PZP: variants seen among roughly 807,000 people sequenced by gnomAD.
PZP encodes pregnancy zone protein.
A neutral mutation model predicts 179.8 loss-of-function variants in PZP; 150 were observed. The observed-to-expected ratio is 0.83, with a 90% CI of 0.73 to 0.96. The LOEUF (loss-of-function observed/expected upper bound fraction) is 0.96, where lower values mean the gene tolerates loss of function less well. Ranked by LOEUF, PZP falls within the 40% of genes least tolerant of loss-of-function variation. The pLI is 0.00. For synonymous variants in PZP, 624 were observed against 652.3 expected, an observed-to-expected ratio of 0.96 and a Z score of 0.66; for missense variants, 1,689 against 1,764.0, an observed-to-expected ratio of 0.96 and a Z score of 0.76.
At chr12:9,191,047 A>T (rs961553578) in intron 13 of PZP, among the ~76,000 whole-genome samples, 27 of 152,146 alleles carry the variant, frequency 1.8e-4, no homozygotes, top group African/African-American at 6.0e-4. Context: ...ATATAGAGAA[A>T]TTTTTTCCAA....
rs373481261 is a variant in PZP at position 9,201,343 on chromosome 12, G to A, written c.485C>T (p.Pro162Leu). ...GATACTTACCTCAAGGTATATCAGT[G>A]GAATCTATATGATAAAAGGAAAGAA... ...ENFRPRNELI[P>L]LIYLENPRRN... The change falls in exon 5 of 36, where the codon CCA becomes CTA. Residue 162 changes from proline (P) to leucine (L), a missense_variant. Transcript: ENST00000261336. 1.9e-6 allele frequency: 3 copies of A among 1,557,638 alleles called. No individual in the cohort carries two copies. The highest frequency in any genetic ancestry group is 2.6e-6 in the Non-Finnish European group (3 of 1,133,520).
At position 9,158,457 on chromosome 12, in the gene PZP, A is replaced by G; in HGVS notation, c.3257T>C (p.Phe1086Ser). 1 of 1,614,154 alleles carries G rather than the reference A, an allele frequency of 6.2e-7. No homozygotes were observed. The highest frequency in any genetic ancestry group is 8.5e-7 in the Non-Finnish European group (1 of 1,180,026). The part of the protein sequence containing the change: ...LSQMQKDNGC[F>S]RSSGSLLNNA... ...GTTGAGCAGTGACCCAGAGCTCCTG[A>G]AACAGCCATTGTCCTTCTGCATCTG... The change falls in exon 26 of 36, where the codon TTC becomes TCC. Residue 1086 changes from phenylalanine (F) to serine (S), a missense_variant. This residue lies in a region of PZP where 746 missense variants were observed against 749.2 expected (regional missense o/e 1.00). Coordinates refer to ENST00000261336, the MANE Select transcript of PZP (RefSeq NM_002864.3).
intron 13 of PZP, among the ~76,000 whole-genome samples, chr12:9,183,164 A>G (rs976870748): frequency 2.0e-5 from 3 of 152,202 alleles, no homozygotes; most frequent in Non-Finnish European, 4.4e-5. Context: ...GGAATATTTT[A>G]CAAAGTATAA....
At chr12:9,183,430 T>C (rs1479019246) in intron 13 of PZP, among the ~76,000 whole-genome samples, 3 of 152,178 alleles carry the variant, frequency 2.0e-5, no homozygotes, top group Non-Finnish European at 4.4e-5. Flanking sequence ...GACAGGGTCT[T>C]GCTCTGTTGC....
At chr12:9,150,603 C>A (rs757194040) in intron 34 of PZP, 41 bp downstream of exon 34, 2 of 1,332,734 alleles carry the variant, frequency 1.5e-6, no homozygotes, top group Middle Eastern at 1.8e-4. Context: ...GGATCCATTT[C>A]TTGGCTCTGG....
In PZP at chr12:9,154,760, A is replaced by G. The variant is rs748422118; in HGVS notation, c.3630T>C (p.Ala1210=). The G allele has an allele frequency of 1.2e-6, 2 of 1,614,128 alleles. No individual in the cohort carries two copies. Among genetic ancestry groups the G allele is most frequent in the Admixed American group, 3.3e-5 (2 of 60,010 alleles). ...GHLYQTQAPS[A]EVEMTSYVLL... is the part of the protein sequence containing the mutation. ...GCACATAGGATGTCATCTCCACCTC[A>G]GCAGAGGGAGCCTGGGTTTGGTAAA... The change falls in exon 29 of 36, where the codon GCT becomes GCC. Residue 1210 remains alanine, a synonymous_variant. Transcript: ENST00000261336.
chr12:9,164,164 G>A lies in PZP; in HGVS notation c.2583C>T (p.Thr861=). 1 of 1,611,118 alleles carries A rather than the reference G, an allele frequency of 6.2e-7. No homozygotes were observed. Among genetic ancestry groups the A allele is most frequent in the Non-Finnish European group, 8.5e-7 (1 of 1,177,316 alleles). Residue 861 remains threonine, a synonymous_variant, in exon 20 of 36, where the codon ACC becomes ACT. Coordinates refer to ENST00000261336, the MANE Select transcript of PZP (RefSeq NM_002864.3). ...SYCICGNERQ[T]LSWTVTPKTL... is the part of the protein sequence containing the mutation. The stretch of plus-strand genomic sequence containing the variant: ...TTTTAGGAGTCACTGTCCAAGACAA[G>A]GTTTGTCTCTCATTTCCACAGATAC...
At chr12:9,194,599 G>A (rs1486131764) in intron 10 of PZP, among the ~76,000 whole-genome samples, 1 of 151,850 alleles carries the variant, frequency 6.6e-6, no homozygotes, top group African/African-American at 2.4e-5. Flanking sequence ...CGAGTAGCTG[G>A]GACTACAGGC....
chr12:9,162,556 G>A, intron 22 of PZP, 41 bp downstream of exon 22: 1 of 1,409,464 alleles, frequency 7.1e-7, no homozygotes, highest in Non-Finnish European at 9.9e-7. Flanking sequence ...ATACCCCTTT[G>A]TGGTTTTGAT....
rs774365506 is a variant in PZP, at chr12:9,201,358, A to C, written c.481-11T>G. The C allele has an allele frequency of 1.3e-6, 2 of 1,554,910 alleles. No individual in the cohort carries two copies. Among genetic ancestry groups the C allele is most frequent in the Non-Finnish European group, 1.8e-6 (2 of 1,132,312 alleles). ...GTATATCAGTGGAATCTATATGATA[A>C]AAGGAAAGAAGAGATGTGATTAGAA... On this transcript the variant is annotated splice_polypyrimidine_tract_variant and intron_variant, in intron 4 of 35. Coordinates refer to ENST00000261336, the MANE Select transcript of PZP (RefSeq NM_002864.3).
In PZP at chr12:9,202,390, G is replaced by C; in HGVS notation, c.428-19C>G. Reference sequence around the variant, plus strand: ...AATCTTACTGGAAAAGTAGTTCTCCGATAAGATTCAGACATGATAAAGCAG... The same window carrying C: ...AATCTTACTGGAAAAGTAGTTCTCCCATAAGATTCAGACATGATAAAGCAG... On this transcript the variant is annotated intron_variant, in intron 3 of 35. Coordinates refer to ENST00000261336, the MANE Select transcript of PZP (RefSeq NM_002864.3). 1 of 1,614,032 alleles carries C rather than the reference G, an allele frequency of 6.2e-7. No homozygotes were observed. Among genetic ancestry groups the C allele is most frequent in the Non-Finnish European group, 8.5e-7 (1 of 1,179,976 alleles).
intron 28 of PZP, 36 bp from the exon 29 acceptor site, chr12:9,154,875 T>C (rs1483623992): frequency 6.4e-7 from 1 of 1,556,068 alleles, no homozygotes; most frequent in Non-Finnish European, 8.8e-7. Flanking sequence ...TTGTAACTCA[T>C]CAATAAGTAA....
Position 9,160,566 on chromosome 12 carries a change from T to C in PZP, c.2873-76A>G, listed in dbSNP as rs1330732001. 2.9e-5 allele frequency: 38 copies of C among 1,307,014 alleles called. 1 individual carries two copies. Among genetic ancestry groups the C allele is most frequent in the Non-Finnish European group, 3.9e-5 (37 of 947,954 alleles). The allele number at this position is 1,307,014 out of a possible 1,614,324, so 81.0% of individuals were successfully genotyped here. The stretch of plus-strand genomic sequence containing the variant: ...CCAACATTATTAACAAAAATGGCCT[T>C]TATATTCAGAGTCTATCATTTAGGT... On this transcript the variant is annotated intron_variant, in intron 23 of 35. Transcript: ENST00000261336.
chr12:9,197,953 C>T (rs1943928056), intron 7 of PZP, among the ~76,000 whole-genome samples: 1 of 127,954 alleles, frequency 7.8e-6, no homozygotes, highest in Admixed American at 9.4e-5. Context: ...ATTTATATTA[C>T]ATATTTATAT....
intron 7 of PZP, 79 bp from the exon 8 acceptor site, chr12:9,197,202 T>C (rs1943828881): frequency 3.2e-6 from 3 of 944,428 alleles, no homozygotes; most frequent in Admixed American, 1.9e-5. Context: ...GAACTGTCCC[T>C]CTTTAGAGTT....
intron 25 of PZP, among the ~76,000 whole-genome samples, chr12:9,158,804 G>A (rs1418610212): frequency 7.5e-6 from 1 of 133,256 alleles, no homozygotes; most frequent in Non-Finnish European, 1.6e-5. Context: ...TTCATTACCA[G>A]CTTGTCCTTG....
In PZP at chr12:9,157,820, T is replaced by A. The variant is rs1212458397; in HGVS notation, c.3316A>T (p.Thr1106Ser). 5 of 1,613,240 alleles carry A rather than the reference T, an allele frequency of 3.1e-6. No individual in the cohort carries two copies. The highest frequency in any genetic ancestry group is 4.2e-6 in the Non-Finnish European group (5 of 1,179,706). ...AIKGGVEDEA[T>S]LSAYVTIALL... ...GCAATAGTAACATAGGCGGAGAGGG[T>A]CGCTTCATCTTCTACACCTCCCTGT... Residue 1106 changes from threonine to serine, a missense_variant, in exon 27 of 36, where the codon ACC becomes TCC. Physicochemically the swap from Thr to Ser is moderately conservative, Grantham distance 58 (BLOSUM62 1). Transcript: ENST00000261336.
intron 14 of PZP, among the ~76,000 whole-genome samples, chr12:9,181,349 C>CA (rs2120965143): frequency 6.6e-6 from 1 of 152,302 alleles, no homozygotes; most frequent in East Asian, 1.9e-4. Context: ...ACTCTAGAGA[C>CA]ATAAATAGTT....
At chr12:9,161,429 AATG>A (rs1159489211) in intron 22 of PZP, among the ~76,000 whole-genome samples, 1 of 152,182 alleles carries the variant, frequency 6.6e-6, no homozygotes. Flanking sequence ...AATTTGACTT[AATG>A]ATGAGACTAC....
Sources: gnomAD v4.1 joint callset for allele counts (sites outside exome capture counted in the v4.1 genomes callset) on GRCh38, gnomAD v4.1.1 for gene constraint, gnomAD v4.1.1 regional missense constraint, MANE v1.5 for transcripts, NCBI Gene and HGNC (gene_info 2026-07-23, HGNC 2026-07-21) for gene names.